Variants in SAMD4A observed in about 807,000 individuals in gnomAD.
SAMD4A encodes protein Smaug homolog 1.
In SAMD4A, 33 loss-of-function variants were observed where a neutral mutation model predicts 81.3. The observed-to-expected ratio is 0.41, with a 90% CI of 0.31 to 0.54. SAMD4A has a LOEUF of 0.54. Ranked by LOEUF, SAMD4A falls within the 20% of genes least tolerant of loss-of-function variation. The pLI is 0.37. For missense variants in SAMD4A, 854 were observed against 951.1 expected (o/e 0.90, Z 1.34); for synonymous variants, 389 against 382.1 (o/e 1.02, Z -0.21).
intron 12 of SAMD4A, among the ~76,000 whole-genome samples, chr14:54,785,709 G>A (rs1189240956): frequency 6.6e-6 from 1 of 152,222 alleles, no homozygotes; most frequent in Non-Finnish European, 1.5e-5. Flanking sequence ...ACCTAAGGTT[G>A]TTAGATTTTT....
At chr14:54,775,642 C>T (rs1258598143) in intron 10 of SAMD4A, among the ~76,000 whole-genome samples, 1 of 152,064 alleles carries the variant, frequency 6.6e-6, no homozygotes, top group Non-Finnish European at 1.5e-5. Flanking sequence ...TTCTCTGGCC[C>T]GTCGCTCATA....
At chr14:54,608,193 C>T (rs17127657) in intron 2 of SAMD4A, among the ~76,000 whole-genome samples, 8,759 of 152,060 alleles carry the variant, frequency 0.058, 324 homozygotes, top group East Asian at 0.15. Flanking sequence ...GTTACTGAAG[C>T]TTTTTGGACT....
intron 2 of SAMD4A, among the ~76,000 whole-genome samples, chr14:54,572,836 G>A (rs2033170614): frequency 6.6e-6 from 1 of 152,116 alleles, no homozygotes; most frequent in Non-Finnish European, 1.5e-5. Flanking sequence ...ATATAGAATT[G>A]ATATGAATAA....
chr14:54,782,793 A>C (rs754110111), intron 11 of SAMD4A, among the ~76,000 whole-genome samples: 14 of 152,236 alleles, frequency 9.2e-5, no homozygotes, highest in Non-Finnish European at 2.1e-4. Context: ...AATGTATAGC[A>C]AATCAAGGAA....
At chr14:54,702,639 C>T (rs1167069699) in intron 3 of SAMD4A, 59 bp downstream of exon 3, 1 of 1,565,008 alleles carries the variant, frequency 6.4e-7, no homozygotes, top group Admixed American at 1.7e-5. Context: ...GTGTATGTGG[C>T]ATGTCCTGCT....
At chr14:54,716,603 T>C (rs1228632153) in intron 3 of SAMD4A, among the ~76,000 whole-genome samples, 6 of 152,204 alleles carry the variant, frequency 3.9e-5, no homozygotes, top group African/African-American at 1.4e-4. Context: ...CTCGTTAGTC[T>C]TCATTTGCCG....
intron 11 of SAMD4A, among the ~76,000 whole-genome samples, chr14:54,781,941 G>A (rs1015172242): frequency 3.3e-5 from 5 of 152,242 alleles, no homozygotes; most frequent in Admixed American, 3.3e-4. Flanking sequence ...ACTCTGCAGT[G>A]TGAACATATG....
chr14:54,570,258 G>A (rs1190829702), intron 2 of SAMD4A, among the ~76,000 whole-genome samples: 2 of 152,170 alleles, frequency 1.3e-5, no homozygotes, highest in African/African-American at 4.8e-5. Context: ...ATCATAAAGA[G>A]CATCAGGAGT....
chr14:54,781,547 A>G (rs1339214775), intron 11 of SAMD4A, among the ~76,000 whole-genome samples: 3 of 152,252 alleles, frequency 2.0e-5, no homozygotes. Context: ...CAGAGATGCC[A>G]TCTGAGCTGA....
chr14:54,658,139 G>A lies in SAMD4A; in HGVS notation c.197-43923G>A, dbSNP rs560329117. Among the ~76,000 whole-genome samples, 90 of 152,140 alleles carry A rather than the reference G, an allele frequency of 5.9e-4. 1 individual carries two copies. The highest frequency in any genetic ancestry group is 2.1e-3 in the African/African-American group (86 of 41,514). On this transcript the variant is annotated intron_variant, in intron 2 of 12. Coordinates refer to ENST00000554335, the MANE Select transcript of SAMD4A (RefSeq NM_015589.6). The stretch of plus-strand genomic sequence containing the variant: ...AGCCTGGCCAACATGGCGAAACCCC[G>A]TCACCACAAAAAAATATAAAAATTA...
At chr14:54,673,485 C>T (rs1253480147) in intron 2 of SAMD4A, among the ~76,000 whole-genome samples, 3 of 152,228 alleles carry the variant, frequency 2.0e-5, no homozygotes, top group Non-Finnish European at 4.4e-5. Context: ...TTTGTGACGG[C>T]AGCGTCAGCA....
intron 4 of SAMD4A, among the ~76,000 whole-genome samples, chr14:54,747,526 G>A (rs2037997108): frequency 6.6e-6 from 1 of 152,232 alleles, no homozygotes; most frequent in African/African-American, 2.4e-5. Context: ...TGGAATGTGT[G>A]TGGTCAGTGC....
At chr14:54,721,331 A>G (rs1294607703) in intron 3 of SAMD4A, among the ~76,000 whole-genome samples, 4 of 152,198 alleles carry the variant, frequency 2.6e-5, no homozygotes, top group Admixed American at 2.6e-4. Context: ...TGTAGTCCCT[A>G]CGCCCCAATA....
chr14:54,732,790 G>A (rs992433259), intron 3 of SAMD4A, among the ~76,000 whole-genome samples: 1 of 152,118 alleles, frequency 6.6e-6, no homozygotes, highest in African/African-American at 2.4e-5. Flanking sequence ...CAGTATCCCA[G>A]ACTTTCTTCC....
chr14:54,719,277 G>T (rs1276779755), intron 3 of SAMD4A, among the ~76,000 whole-genome samples: 1 of 152,094 alleles, frequency 6.6e-6, no homozygotes, highest in Non-Finnish European at 1.5e-5. Flanking sequence ...AGTCTAAAAT[G>T]GGTCCATGAC....
chr14:54,581,548 A>G (rs946159398), intron 2 of SAMD4A, among the ~76,000 whole-genome samples: 4 of 152,244 alleles, frequency 2.6e-5, no homozygotes, highest in Non-Finnish European at 4.4e-5. Flanking sequence ...TGATTAGATC[A>G]TTAAATGTAC....
At chr14:54,706,294 AAAG>A (rs1227349163) in intron 3 of SAMD4A, among the ~76,000 whole-genome samples, 33 of 139,960 alleles carry the variant, frequency 2.4e-4, no homozygotes, top group Admixed American at 3.9e-4. Context: ...AAAAAAAAAA[AAAG>A]AAGAAGAAGA....
At chr14:54,578,951 A>G (rs990341710) in intron 2 of SAMD4A, among the ~76,000 whole-genome samples, 1 of 152,206 alleles carries the variant, frequency 6.6e-6, no homozygotes, top group Admixed American at 6.5e-5. Context: ...GGTCACCCAA[A>G]AGCAGTGATA....
intron 5 of SAMD4A, among the ~76,000 whole-genome samples, chr14:54,751,212 C>T (rs866534753): frequency 4.6e-5 from 7 of 152,100 alleles, no homozygotes; most frequent in African/African-American, 1.7e-4. Flanking sequence ...GCTAAGATGG[C>T]GCCACTGTAC....
Sources: gnomAD v4.1 joint callset for allele counts (sites outside exome capture counted in the v4.1 genomes callset) on GRCh38, gnomAD v4.1.1 for gene constraint, MANE v1.5 for transcripts, NCBI Gene and HGNC (gene_info 2026-07-23, HGNC 2026-07-21) for gene names.